Variants in RNF115 observed in about 807,000 individuals in gnomAD.
RNF115 encodes ring finger protein 115.
Under a neutral mutation model 39.2 loss-of-function variants are expected in RNF115, and 31 were observed. The observed-to-expected ratio is 0.79, with a 90% CI of 0.59 to 1.07. The LOEUF (loss-of-function observed/expected upper bound fraction) is 1.07. RNF115 is among the 50% of genes least tolerant of loss of function. The pLI is 0.00. For missense variants in RNF115, 384 were observed against 381.7 expected (o/e 1.01, Z -0.05); for synonymous variants, 124 against 131.0 (o/e 0.95, Z 0.37).
At chr1:145,765,417 A>T (rs931036196) in intron 4 of RNF115, among the ~76,000 whole-genome samples, 92 of 69,244 alleles carry the variant, frequency 1.3e-3, no homozygotes, top group Non-Finnish European at 2.3e-3. Context: ...AATGATCAAT[A>T]AAAAAAAAAA....
intron 7 of RNF115, 26 bp downstream of exon 7, chr1:145,750,381 C>T: frequency 6.5e-7 from 1 of 1,535,336 alleles, no homozygotes; most frequent in Non-Finnish European, 9.0e-7. Context: ...CAGAAGATGA[C>T]AGAATAAGTA....
At chr1:145,765,302 T>G (rs1553714611) in intron 4 of RNF115, among the ~76,000 whole-genome samples, 1 of 152,130 alleles carries the variant, frequency 6.6e-6, no homozygotes, top group African/African-American at 2.4e-5. Flanking sequence ...CAGGGCCCTC[T>G]GCCTAGGAAA....
chr1:145,782,197 G>A (rs939221104), intron 3 of RNF115, among the ~76,000 whole-genome samples: 9 of 152,114 alleles, frequency 5.9e-5, no homozygotes, highest in South Asian at 4.1e-4. Context: ...AAGCCACCAC[G>A]CCCAGCCTTC....
rs963242 is a variant in RNF115, at chr1:145,741,453, T to C, written c.*5413A>G. The C allele has an allele frequency of 6.6e-6, 1 of 152,220 alleles. No homozygotes were observed. The highest frequency in any genetic ancestry group is 1.5e-5 in the Non-Finnish European group (1 of 68,042). 9.4% of individuals were successfully genotyped at this position (152,220 alleles called of 1,614,324 possible). ...ATCCTGGAAAGCATCACCAGCTGTA[T>C]ACATTGTATTCTATGCATTCTATTT... On this transcript the variant is annotated 3_prime_UTR_variant, in exon 9 of 9. Coordinates refer to ENST00000582693, the MANE Select transcript of RNF115 (RefSeq NM_014455.4).
At chr1:145,747,525 C>G (rs886145776) in intron 8 of RNF115, among the ~76,000 whole-genome samples, 1 of 152,112 alleles carries the variant, frequency 6.6e-6, no homozygotes, top group Non-Finnish European at 1.5e-5. Flanking sequence ...CGCCTGTAAT[C>G]CTAGCTACTC....
At chr1:145,784,920 G>A (rs1366410097) in intron 2 of RNF115, among the ~76,000 whole-genome samples, 2 of 152,086 alleles carry the variant, frequency 1.3e-5, no homozygotes, top group Non-Finnish European at 2.9e-5. Flanking sequence ...CCTCAAGAAC[G>A]CTAACAAAAC....
chr1:145,771,677 T>G, intron 4 of RNF115, 34 bp downstream of exon 4: 21 of 1,565,034 alleles, frequency 1.3e-5, no homozygotes, highest in Non-Finnish European at 1.8e-5. Context: ...TCATTGAAAC[T>G]ACCTTAAAAA....
intron 4 of RNF115, among the ~76,000 whole-genome samples, chr1:145,757,991 G>A (rs1658364092): frequency 6.6e-6 from 1 of 152,156 alleles, no homozygotes; most frequent in Non-Finnish European, 1.5e-5. Flanking sequence ...GAGGAAGTGA[G>A]TGCATTTTGC....
At chr1:145,767,228 C>G (rs1399220887) in intron 4 of RNF115, among the ~76,000 whole-genome samples, 4 of 150,188 alleles carry the variant, frequency 2.7e-5, no homozygotes, top group Non-Finnish European at 5.9e-5. Context: ...GGGTGGCTGC[C>G]GGGCGGAGGG....
chr1:145,781,633 C>T (rs1345775890), intron 3 of RNF115, among the ~76,000 whole-genome samples: 2 of 152,118 alleles, frequency 1.3e-5, no homozygotes, highest in Non-Finnish European at 2.9e-5. Flanking sequence ...ATCCTCGTAA[C>T]ATCCCTATGA....
intron 1 of RNF115, among the ~76,000 whole-genome samples, chr1:145,790,868 G>A (rs782554154): frequency 2.0e-5 from 3 of 152,052 alleles, no homozygotes; most frequent in South Asian, 2.1e-4. Context: ...TAGTCTGGGC[G>A]CGGTGGCTCA....
intron 3 of RNF115, among the ~76,000 whole-genome samples, chr1:145,781,421 G>A (rs1553717382): frequency 2.6e-5 from 4 of 152,132 alleles, no homozygotes; most frequent in African/African-American, 9.7e-5. Context: ...TCAGGGACAT[G>A]AGCATAAAAC....
At chr1:145,807,042 C>G (rs1649494332) in intron 1 of RNF115, among the ~76,000 whole-genome samples, 1 of 152,144 alleles carries the variant, frequency 6.6e-6, no homozygotes, top group Admixed American at 6.5e-5. Context: ...AGACAACAGC[C>G]CAAGTACCTA....
In RNF115 at chr1:145,769,766, A is replaced by AT. The variant is rs1227033789; in HGVS notation, c.428+1944_428+1945insA. Among the ~76,000 whole-genome samples, 348 of 151,542 alleles carry AT rather than the reference A, an allele frequency of 2.3e-3. 1 individual carries two copies. The highest frequency in any genetic ancestry group is 8.1e-3 in the African/African-American group (333 of 41,344). On this transcript the variant is annotated intron_variant, in intron 4 of 8. Transcript: ENST00000582693. ...GAATAAATGTAAAAATCCTTAAAAA[A>AT]AAAAAAAAAAAAGATAAGGAACAAA...
At chr1:145,807,800 T>C (rs1649523170) in intron 1 of RNF115, among the ~76,000 whole-genome samples, 1 of 152,168 alleles carries the variant, frequency 6.6e-6, no homozygotes, top group Non-Finnish European at 1.5e-5. Context: ...TTTATGTTTA[T>C]ACCCATTAAT....
At chr1:145,822,742 G>C (rs1212160280) in intron 1 of RNF115, among the ~76,000 whole-genome samples, 1 of 145,936 alleles carries the variant, frequency 6.9e-6, no homozygotes, top group Non-Finnish European at 1.5e-5. Context: ...TGCTGGTGCT[G>C]GCTAGTATGC....
intron 1 of RNF115, among the ~76,000 whole-genome samples, chr1:145,810,317 T>C (rs1256214261): frequency 2.1e-5 from 1 of 48,430 alleles, no homozygotes; most frequent in African/African-American, 6.9e-5. Context: ...GTGGTACATA[T>C]ACACCATGGA....
chr1:145,744,226 G>C lies in RNF115; in HGVS notation c.*2640C>G, dbSNP rs1023645666. 1 of 152,232 alleles carries C rather than the reference G, an allele frequency of 6.6e-6. No homozygotes were observed. Among genetic ancestry groups the C allele is most frequent in the Admixed American group, 6.5e-5 (1 of 15,272 alleles). The allele number at this position is 152,232 out of a possible 1,614,324, so 9.4% of individuals were successfully genotyped here. A position where few individuals can be genotyped will look rare whatever the true frequency, so the allele number is the denominator to read the frequency against. The stretch of plus-strand genomic sequence containing the variant: ...TGATTTTTCTGAGACAACTGATATT[G>C]TGTACTTGAAAACTGCAATGTGTCC... On this transcript the variant is annotated 3_prime_UTR_variant, in exon 9 of 9. Coordinates refer to ENST00000582693, the MANE Select transcript of RNF115 (RefSeq NM_014455.4).
intron 1 of RNF115, among the ~76,000 whole-genome samples, chr1:145,818,219 T>C (rs1570701165): frequency 2.0e-5 from 3 of 152,180 alleles, no homozygotes; most frequent in African/African-American, 7.2e-5. Context: ...TCACCGGCAG[T>C]GTATAGGCAT....
Sources: gnomAD v4.1 joint callset for allele counts (sites outside exome capture counted in the v4.1 genomes callset) on GRCh38, gnomAD v4.1.1 for gene constraint, MANE v1.5 for transcripts, NCBI Gene and HGNC (gene_info 2026-07-23, HGNC 2026-07-21) for gene names.